NOL4: variants seen among roughly 807,000 people sequenced by gnomAD.
The protein encoded by NOL4 is cancer/testis antigen 125.
A neutral mutation model predicts 75.9 loss-of-function variants in NOL4; 17 were observed. The ratio of observed to expected loss-of-function variants is 0.22; its 90% CI spans 0.15 to 0.34. The LOEUF (loss-of-function observed/expected upper bound fraction) is 0.34, where lower values mean the gene tolerates loss of function less well. NOL4 is among the 10% of genes least tolerant of loss of function. NOL4 has a pLI of 1.00. For missense variants in NOL4, 614 were observed against 793.5 expected, an observed-to-expected ratio of 0.77 and a Z score of 2.72; for synonymous variants, 292 against 289.9, an observed-to-expected ratio of 1.01 and a Z score of -0.07.
intron 1 of NOL4, among the ~76,000 whole-genome samples, chr18:34,186,321 T>C (rs1015538494): frequency 6.6e-6 from 1 of 152,096 alleles, no homozygotes; most frequent in Non-Finnish European, 1.5e-5. Context: ...TGATGGCCAA[T>C]TAAAGTTTAA....
intron 5 of NOL4, among the ~76,000 whole-genome samples, chr18:34,049,014 CT>C (rs1296915106): frequency 6.7e-6 from 1 of 149,358 alleles, no homozygotes; most frequent in East Asian, 2.0e-4. Flanking sequence ...GAAGCTTTAC[CT>C]TTTTTTTGTT....
At chr18:33,981,823 G>A (rs1022100019) in intron 6 of NOL4, among the ~76,000 whole-genome samples, 3 of 151,976 alleles carry the variant, frequency 2.0e-5, no homozygotes, top group African/African-American at 7.2e-5. Context: ...ATAAAACTGT[G>A]TTTTAATAAT....
intron 1 of NOL4, among the ~76,000 whole-genome samples, chr18:34,178,601 T>C (rs1346453302): frequency 6.6e-6 from 1 of 151,592 alleles, no homozygotes; most frequent in East Asian, 1.9e-4. Flanking sequence ...AGTTGTACTA[T>C]AGAGAAAAAA....
intron 1 of NOL4, 99 bp downstream of exon 1, chr18:34,222,891 C>T (rs1244787643): frequency 2.0e-6 from 3 of 1,495,660 alleles, no homozygotes; most frequent in East Asian, 2.3e-5. Flanking sequence ...CACGAGCCAA[C>T]GGCGGCTCAC....
At chr18:34,136,480 A>G (rs1380102588) in intron 1 of NOL4, among the ~76,000 whole-genome samples, 3 of 152,216 alleles carry the variant, frequency 2.0e-5, no homozygotes, top group Non-Finnish European at 4.4e-5. Flanking sequence ...AAAAACTGTT[A>G]GAACTAATAA....
chr18:34,009,854 C>A (rs1347008459), intron 6 of NOL4, among the ~76,000 whole-genome samples: 1 of 151,840 alleles, frequency 6.6e-6, no homozygotes, highest in Non-Finnish European at 1.5e-5. Flanking sequence ...TATACAATTT[C>A]TTTGAATCTT....
At chr18:33,931,044 G>A (rs989603434) in intron 9 of NOL4, among the ~76,000 whole-genome samples, 1 of 151,866 alleles carries the variant, frequency 6.6e-6, no homozygotes, top group African/African-American at 2.4e-5. Context: ...TCTAGGCTCT[G>A]GCAAATTAAA....
intron 1 of NOL4, among the ~76,000 whole-genome samples, chr18:34,209,194 CAA>C (rs777403436): frequency 1.1e-4 from 6 of 56,456 alleles, no homozygotes; most frequent in Admixed American, 1.9e-4. Flanking sequence ...ACTCTGTCTC[CAA>C]AAAAAAAAAA....
In NOL4 at chr18:33,901,235, G is replaced by A. The variant is rs190359474; in HGVS notation, c.1543-17811C>T. On this transcript the variant is annotated intron_variant, in intron 9 of 10. Transcript: ENST00000261592. ...AAAACACAATAGTCTTTGTTTATGT[G>A]ATTTTTTTGACAAATAAGACGAATA... Among the ~76,000 whole-genome samples, 243 of 152,194 alleles carry A rather than the reference G, an allele frequency of 1.6e-3. 3 individuals carry two copies. The highest frequency in any genetic ancestry group is 5.7e-3 in the African/African-American group (237 of 41,526).
chr18:34,049,936 G>A (rs962594301), intron 5 of NOL4, among the ~76,000 whole-genome samples: 7 of 151,950 alleles, frequency 4.6e-5, no homozygotes, highest in Admixed American at 6.6e-5. Context: ...ACCCTAATGC[G>A]TTTGAAAAGC....
intron 1 of NOL4, among the ~76,000 whole-genome samples, chr18:34,194,009 G>A (rs1017600460): frequency 2.6e-5 from 4 of 151,934 alleles, no homozygotes; most frequent in Non-Finnish European, 5.9e-5. Context: ...ATTTATATGT[G>A]AACTTTATAA....
chr18:34,033,287 G>A (rs186207723), intron 5 of NOL4, among the ~76,000 whole-genome samples: 85 of 151,968 alleles, frequency 5.6e-4, no homozygotes, highest in Admixed American at 5.0e-3. Context: ...ATAGAAATCT[G>A]AAAAACAATT....
At chr18:34,150,826 A>G (rs1262346059) in intron 1 of NOL4, among the ~76,000 whole-genome samples, 3 of 151,814 alleles carry the variant, frequency 2.0e-5, no homozygotes, top group Non-Finnish European at 4.4e-5. Context: ...CTGGAAGAAG[A>G]CAAGCCACAG....
chr18:34,040,381 T>C (rs2076089183), intron 5 of NOL4, among the ~76,000 whole-genome samples: 1 of 151,912 alleles, frequency 6.6e-6, no homozygotes, highest in South Asian at 2.1e-4. Context: ...ATTTTGAGGA[T>C]TAAGCTATTT....
At chr18:34,117,070 C>A (rs920989710) in intron 2 of NOL4, among the ~76,000 whole-genome samples, 1 of 152,112 alleles carries the variant, frequency 6.6e-6, no homozygotes, top group African/African-American at 2.4e-5. Context: ...ATTACATGGA[C>A]GAAAATGTCA....
intron 10 of NOL4, among the ~76,000 whole-genome samples, chr18:33,868,692 C>CAA (rs1555638057): frequency 6.7e-6 from 1 of 149,160 alleles, no homozygotes; most frequent in Non-Finnish European, 1.5e-5. Context: ...CACACACACA[C>CAA]GTTTATCCCA....
At chr18:34,122,713 C>T (rs1431867599) in intron 2 of NOL4, among the ~76,000 whole-genome samples, 1 of 152,204 alleles carries the variant, frequency 6.6e-6, no homozygotes, top group Non-Finnish European at 1.5e-5. Context: ...TCATGCCAGT[C>T]TCCCATGTCT....
chr18:33,991,405 T>G (rs1208070548), intron 6 of NOL4, among the ~76,000 whole-genome samples: 6 of 152,122 alleles, frequency 3.9e-5, no homozygotes, highest in Non-Finnish European at 1.5e-5. Context: ...ATAAACTAAA[T>G]GTTTTTATTT....
At chr18:34,036,062 A>G (rs1600340395) in intron 5 of NOL4, among the ~76,000 whole-genome samples, 2 of 152,164 alleles carry the variant, frequency 1.3e-5, no homozygotes, top group East Asian at 3.9e-4. Context: ...AAGAAATAAT[A>G]ATAATCCTCA....
Sources: gnomAD v4.1 joint callset for allele counts (sites outside exome capture counted in the v4.1 genomes callset) on GRCh38, gnomAD v4.1.1 for gene constraint, MANE v1.5 for transcripts, NCBI Gene and HGNC (gene_info 2026-07-23, HGNC 2026-07-21) for gene names.